CEP104: variants seen among roughly 807,000 people sequenced by gnomAD.
The protein encoded by CEP104 is centrosomal protein of 104 kDa.
A neutral mutation model predicts 113.3 loss-of-function variants in CEP104; 84 were observed. The observed-to-expected ratio is 0.74, with a 90% confidence interval of 0.62 to 0.89. CEP104 has a LOEUF of 0.89. Among genes scored for constraint, CEP104 ranks in the 40% least tolerant of loss-of-function variants. CEP104 has a pLI of 0.00. For synonymous variants in CEP104, 378 were observed against 421.7 expected (o/e 0.90, Z 1.27); for missense variants, 1,053 against 1,156.6 (o/e 0.91, Z 1.30).
At chr1:3,843,243 A>G (rs1166960409) in intron 6 of CEP104, 1 of 713,370 alleles carries the variant, frequency 1.4e-6, no homozygotes, top group Middle Eastern at 2.3e-4. Flanking sequence ...AGAGGTGCCC[A>G]GGACAGAGAG....
At chr1:3,839,300 T>G (rs1277754133) in intron 7 of CEP104, among the ~76,000 whole-genome samples, 181 bp from the exon 8 acceptor site, 2 of 152,162 alleles carry the variant, frequency 1.3e-5, no homozygotes, top group African/African-American at 4.8e-5. Flanking sequence ...GGGCATTTAA[T>G]AAGCTCATGG....
At chr1:3,843,375 AATTTT>A in intron 6 of CEP104, 2 of 436,360 alleles carry the variant, frequency 4.6e-6, no homozygotes, top group Non-Finnish European at 8.3e-6. Context: ...AAATATGTAT[AATTTT>A]TTTTTTTTTT....
At chr1:3,852,490 T>C in intron 1 of CEP104, 69 bp from the exon 2 acceptor site, 10 of 1,436,174 alleles carry the variant, frequency 7.0e-6, no homozygotes, top group South Asian at 1.3e-5. Context: ...ATTTAAAGGG[T>C]TGGTTCATGC....
At chr1:3,829,624 G>C (rs752848486) in intron 14 of CEP104, 167 bp downstream of exon 14, 33 of 747,044 alleles carry the variant, frequency 4.4e-5, no homozygotes, top group Non-Finnish European at 7.2e-5. Context: ...AGAAAGTGGA[G>C]CAGCCGGGAT....
At chr1:3,830,907 T>C (rs556096473) in intron 13 of CEP104, 139 bp downstream of exon 13, 2 of 877,434 alleles carry the variant, frequency 2.3e-6, no homozygotes, top group Admixed American at 3.0e-5. Flanking sequence ...CCCCCATTTG[T>C]TGGATGAAAC....
intron 9 of CEP104, 57 bp downstream of exon 9, chr1:3,837,235 A>G: frequency 7.1e-7 from 1 of 1,416,754 alleles, no homozygotes; most frequent in South Asian, 1.2e-5. Context: ...GGCACAACAC[A>G]TGTCCTTTAC....
chr1:3,836,735 T>C (rs542491464), intron 9 of CEP104, 43 bp from the exon 10 acceptor site: 19 of 1,576,202 alleles, frequency 1.2e-5, no homozygotes, highest in Admixed American at 3.3e-5. Flanking sequence ...GGGAGCTCCA[T>C]AGGTCACATT....
chr1:3,841,018 C>T (rs148764055), intron 6 of CEP104, among the ~76,000 whole-genome samples: 2 of 152,222 alleles, frequency 1.3e-5, no homozygotes, highest in East Asian at 3.9e-4. Context: ...TTAAATATGA[C>T]CTCTATTCCT....
At chr1:3,831,898 T>A (rs112711131) in intron 12 of CEP104, among the ~76,000 whole-genome samples, 3,264 of 152,314 alleles carry the variant, frequency 0.021, 58 homozygotes, top group South Asian at 0.052. Context: ...GGCCTGTGAG[T>A]GACTCTGTAC....
chr1:3,836,174 C>T (rs570865597), intron 10 of CEP104, among the ~76,000 whole-genome samples: 20 of 152,154 alleles, frequency 1.3e-4, no homozygotes, highest in African/African-American at 4.8e-4. Flanking sequence ...GGCGTGGTGG[C>T]GGGCACCTGT....
At chr1:3,826,211 C>A (rs1349224150) in intron 17 of CEP104, among the ~76,000 whole-genome samples, 159 bp downstream of exon 17, 1 of 152,230 alleles carries the variant, frequency 6.6e-6, no homozygotes, top group African/African-American at 2.4e-5. Flanking sequence ...GTTGTCTTGA[C>A]TGACTCGGAG....
intron 1 of CEP104, among the ~76,000 whole-genome samples, chr1:3,854,425 A>G (rs191792085): frequency 7.2e-5 from 11 of 152,112 alleles, no homozygotes; most frequent in African/African-American, 2.7e-4. Context: ...TCAAAGCTCA[A>G]AGTTAATACC....
At chr1:3,821,765 G>A (rs1322773446) in intron 20 of CEP104, among the ~76,000 whole-genome samples, 1 of 152,248 alleles carries the variant, frequency 6.6e-6, no homozygotes, top group East Asian at 1.9e-4. Context: ...GCGCCCCCAA[G>A]GGAACGTAGT....
At chr1:3,822,614 C>G (rs1643999309) in intron 20 of CEP104, among the ~76,000 whole-genome samples, 1 of 152,126 alleles carries the variant, frequency 6.6e-6, no homozygotes, top group Admixed American at 6.5e-5. Context: ...CGGAGCCTTG[C>G]ACGCCCATGT....
chr1:3,831,563 T>C (rs1644207346), intron 12 of CEP104, among the ~76,000 whole-genome samples: 1 of 152,246 alleles, frequency 6.6e-6, no homozygotes, highest in African/African-American at 2.4e-5. Context: ...TCTAAAATTC[T>C]AAAAGAAATT....
Position 3,833,850 on chromosome 1 carries a change from T to C in CEP104, c.1659+12A>G. 1 of 1,613,526 alleles carries C rather than the reference T, an allele frequency of 6.2e-7. No homozygotes were observed. Among genetic ancestry groups the C allele is most frequent in the Non-Finnish European group, 8.5e-7 (1 of 1,179,574 alleles). On this transcript the variant is annotated intron_variant, in intron 12 of 21. Transcript: ENST00000378230. Reference sequence around the variant, plus strand: ...TCATCTACGGTTTCAAATGCCGTGGTGAAGTTCAGACCTGAATAAAATTTG... The same window carrying C: ...TCATCTACGGTTTCAAATGCCGTGGCGAAGTTCAGACCTGAATAAAATTTG...
intron 2 of CEP104, among the ~76,000 whole-genome samples, chr1:3,851,361 T>C (rs1041462590): frequency 2.0e-5 from 3 of 152,150 alleles, no homozygotes; most frequent in Non-Finnish European, 4.4e-5. Flanking sequence ...TTTCAGCAAC[T>C]TGACTTCTGA....
Position 3,830,090 on chromosome 1 carries a change from TAA to T in CEP104, c.1837-95_1837-94del, listed in dbSNP as rs1465576774. On this transcript the variant is annotated intron_variant, in intron 13 of 21. Coordinates refer to ENST00000378230, the MANE Select transcript of CEP104 (RefSeq NM_014704.4). ...AGGTACATTATAAACATGTGAAAAA[TAA>T]AAGAGAAAACATCCGTATTAAGTAT... The T allele has an allele frequency of 4.4e-6, 4 of 916,356 alleles. No homozygotes were observed. The East Asian group carries it at 1.0e-4, about 23-fold the overall frequency. The allele number at this position is 916,356 out of a possible 1,614,324, so 56.8% of individuals were successfully genotyped here.
chr1:3,814,293 C>T lies in CEP104; in HGVS notation c.*1109G>A, dbSNP rs1206714324. The stretch of plus-strand genomic sequence containing the variant: ...GCTTCCAGACAGACCCTGACTCCCT[C>T]CACATGGCTGCCTGGATGTGACACA... On this transcript the variant is annotated 3_prime_UTR_variant, in exon 22 of 22. Transcript: ENST00000378230. 1 of 152,268 alleles carries T rather than the reference C, an allele frequency of 6.6e-6. No homozygotes were observed. The allele number at this position is 152,268 out of a possible 1,614,324, so 9.4% of individuals were successfully genotyped here.
Sources: gnomAD v4.1 joint callset for allele counts (sites outside exome capture counted in the v4.1 genomes callset) on GRCh38, gnomAD v4.1.1 for gene constraint, MANE v1.5 for transcripts, NCBI Gene and HGNC (gene_info 2026-07-23, HGNC 2026-07-21) for gene names.